Variants in NT5C2 observed in about 807,000 individuals in gnomAD.
NT5C2 encodes the protein cytosolic purine 5'-nucleotidase.
NT5C2 carries 58 observed loss-of-function variants against 76.1 expected under a neutral mutation model. The ratio of observed to expected loss-of-function variants is 0.76; its 90% CI spans 0.62 to 0.95. NT5C2 has a LOEUF of 0.95. NT5C2 is among the 40% of genes least tolerant of loss of function. The pLI is 0.00. For missense variants in NT5C2, 478 were observed against 690.3 expected (o/e 0.69, Z 3.45); for synonymous variants, 229 against 237.4 (o/e 0.96, Z 0.32).
intron 1 of NT5C2, among the ~76,000 whole-genome samples, chr10:103,191,867 AGT>A (rs1237932001): frequency 6.6e-6 from 1 of 152,174 alleles, no homozygotes; most frequent in African/African-American, 2.4e-5. Flanking sequence ...TTCAGAAATA[AGT>A]CTGTGTATGC....
At chr10:103,105,826 G>A in intron 5 of NT5C2, 25 bp from the exon 6 acceptor site, 1 of 1,499,386 alleles carries the variant, frequency 6.7e-7, no homozygotes, top group Non-Finnish European at 9.3e-7. Flanking sequence ...AGACATTATT[G>A]ATAATGCAAA....
intron 3 of NT5C2, among the ~76,000 whole-genome samples, chr10:103,158,831 AAAG>A (rs998992990): frequency 1.3e-5 from 2 of 151,816 alleles, no homozygotes; most frequent in Admixed American, 6.6e-5. Flanking sequence ...AAAAAAAAAA[AAAG>A]AAGAATAAAA....
intron 4 of NT5C2, among the ~76,000 whole-genome samples, chr10:103,129,066 G>A (rs1294778388): frequency 3.1e-5 from 4 of 128,032 alleles, no homozygotes; most frequent in African/African-American, 1.2e-4. Context: ...TGCCATCCGG[G>A]AGGGAGGTGG....
At chr10:103,101,127 A>G (rs1222555518) in intron 7 of NT5C2, 25 bp from the exon 8 acceptor site, 1 of 1,550,946 alleles carries the variant, frequency 6.4e-7, no homozygotes, top group Admixed American at 1.7e-5. Flanking sequence ...ACAGATATTC[A>G]TAAGCTATAA....
intron 4 of NT5C2, among the ~76,000 whole-genome samples, chr10:103,110,974 A>G (rs1174040741): frequency 2.6e-5 from 4 of 152,190 alleles, no homozygotes; most frequent in East Asian, 1.9e-4. Context: ...GTAAAATATA[A>G]AAAATAAAAT....
chr10:103,121,090 C>A (rs920000208), intron 4 of NT5C2, among the ~76,000 whole-genome samples: 1 of 151,920 alleles, frequency 6.6e-6, no homozygotes, highest in Admixed American at 6.6e-5. Flanking sequence ...TTCATAGAGA[C>A]AAAATAAATT....
chr10:103,105,459 T>G, intron 6 of NT5C2: 1 of 619,582 alleles, frequency 1.6e-6, no homozygotes, highest in South Asian at 2.8e-5. Context: ...GGGCAAGTTT[T>G]AAGATTAGTT....
At chr10:103,189,432 C>T (rs2092425035) in intron 1 of NT5C2, among the ~76,000 whole-genome samples, 1 of 151,504 alleles carries the variant, frequency 6.6e-6, no homozygotes, top group African/African-American at 2.4e-5. Context: ...ATGGTGAAAC[C>T]CCATCTCTAC....
intron 1 of NT5C2, among the ~76,000 whole-genome samples, chr10:103,183,261 T>TTATATATATATATA (rs1554841527): frequency 2.2e-5 from 1 of 45,516 alleles, no homozygotes; most frequent in African/African-American, 1.2e-4. Context: ...TGTGTGTGTG[T>TTATATATATATATA]GATATATATA....
intron 3 of NT5C2, among the ~76,000 whole-genome samples, chr10:103,162,070 C>T (rs556500125): frequency 6.6e-6 from 1 of 152,100 alleles, no homozygotes; most frequent in Admixed American, 6.6e-5. Context: ...GGCTGGAGTG[C>T]AGTGGTGCAA....
intron 3 of NT5C2, among the ~76,000 whole-genome samples, chr10:103,158,807 G>A: frequency 7.2e-6 from 1 of 138,450 alleles, no homozygotes; most frequent in Non-Finnish European, 1.5e-5. Flanking sequence ...GACAGAGCGA[G>A]ACTCTTATCT....
intron 10 of NT5C2, 170 bp downstream of exon 10, chr10:103,098,761 C>CG: frequency 1.8e-6 from 1 of 566,022 alleles, no homozygotes; most frequent in Non-Finnish European, 3.1e-6. Flanking sequence ...AGGAAAAACT[C>CG]TACTAAGACC....
At chr10:103,171,261 A>G (rs1288134478) in intron 3 of NT5C2, among the ~76,000 whole-genome samples, 1 of 152,246 alleles carries the variant, frequency 6.6e-6, no homozygotes, top group Non-Finnish European at 1.5e-5. Context: ...TATACTCAAT[A>G]ACAAGTAACT....
chr10:103,089,991 G>A (rs1275721559), intron 18 of NT5C2, 83 bp from the exon 19 acceptor site: 6 of 1,113,946 alleles, frequency 5.4e-6, no homozygotes, highest in Admixed American at 2.8e-5. Context: ...TCCTCTGTTA[G>A]GTGGCCATGC....
At position 103,128,301 on chromosome 10, in the gene NT5C2, G is replaced by A. The variant is rs368090289; in HGVS notation, c.175+11105C>T. 8.7e-4 allele frequency among the ~76,000 whole-genome samples: 131 copies of A among 150,328 alleles called. 5 individuals carry two copies. In the East Asian group the frequency reaches 0.019, roughly 22 times the overall value. The stretch of plus-strand genomic sequence containing the variant: ...GGGCCGGTCTCCAGCCCCTAACCGC[G>A]AGTGATCCCGCCAACCTCGGCCTCC... On this transcript the variant is annotated intron_variant, in intron 4 of 18. Coordinates refer to ENST00000404739, the MANE Select transcript of NT5C2 (RefSeq NM_001351169.2).
At chr10:103,183,282 T>TATATATATATATATATAG in intron 1 of NT5C2, among the ~76,000 whole-genome samples, 1 of 131,768 alleles carries the variant, frequency 7.6e-6, no homozygotes, top group African/African-American at 2.8e-5. Context: ...TATATATATA[T>TATATATATATATATATAG]ATATATATAT....
At chr10:103,167,020 C>CT (rs756464168) in intron 3 of NT5C2, among the ~76,000 whole-genome samples, 120 of 142,574 alleles carry the variant, frequency 8.4e-4, no homozygotes, top group East Asian at 1.2e-3. Flanking sequence ...TATTATTTTT[C>CT]TTTTTTTTTT....
In NT5C2 at chr10:103,186,912, C is replaced by CA. The variant is rs34351688; in HGVS notation, c.-168-5585dup. On this transcript the variant is annotated intron_variant, in intron 1 of 18. Coordinates refer to ENST00000404739, the MANE Select transcript of NT5C2 (RefSeq NM_001351169.2). The stretch of plus-strand genomic sequence containing the variant: ...TGGGTGACAGAGCAAGACTCCGTCT[C>CA]AAAAAAAAAAAAAAAAAGGCATTTA... 2.6e-3 allele frequency among the ~76,000 whole-genome samples: 231 copies of CA among 88,246 alleles called. 1 individual carries two copies. Among genetic ancestry groups the CA allele is most frequent in the Middle Eastern group, 0.019 (3 of 162 alleles). The allele number at this position is 88,246 out of a possible 152,430, so 57.9% of individuals were successfully genotyped here. A position where few individuals can be genotyped will look rare whatever the true frequency, so the allele number is the denominator to read the frequency against.
chr10:103,118,108 G>C (rs2074801614), intron 4 of NT5C2, among the ~76,000 whole-genome samples: 1 of 152,054 alleles, frequency 6.6e-6, no homozygotes. Context: ...TTAGTCTTTT[G>C]ACCCATTTTA....
Sources: allele counts gnomAD v4.1 joint callset (sites outside exome capture counted in the v4.1 genomes callset), GRCh38; gene constraint gnomAD v4.1.1; transcripts MANE v1.5; gene names NCBI Gene and HGNC (gene_info 2026-07-23, HGNC 2026-07-21).